ADGRL3: variants seen among roughly 807,000 people sequenced by gnomAD.
The protein encoded by ADGRL3 is adhesion G protein-coupled receptor L3.
Under a neutral mutation model 153.5 loss-of-function variants are expected in ADGRL3, and 62 were observed. The ratio of observed to expected loss-of-function variants is 0.40; its 90% confidence interval spans 0.33 to 0.50. The LOEUF (loss-of-function observed/expected upper bound fraction) is 0.50, where lower values mean the gene tolerates loss of function less well. Ranked by LOEUF, ADGRL3 falls within the 20% of genes least tolerant of loss-of-function variation. ADGRL3 has a pLI of 0.47. For synonymous variants in ADGRL3, 710 were observed against 672.5 expected (o/e 1.06, Z -0.86); for missense variants, 1,641 against 1,859.4 (o/e 0.88, Z 2.16).
rs796082452 is a variant in ADGRL3 at position 61,376,393 on chromosome 4, T to G, written c.-239-6731T>G. The stretch of plus-strand genomic sequence containing the variant: ...AAAACAGAGGATAAGTTAAATGCTG[T>G]TTTTTTTTTAATACTGATAATTTGA... On this transcript the variant is annotated intron_variant, in intron 1 of 26. Coordinates refer to ENST00000683033, the MANE Select transcript of ADGRL3 (RefSeq NM_001387552.1). Among the ~76,000 whole-genome samples the G allele has an allele frequency of 1.8e-4, 16 of 90,208 alleles. 1 individual carries two copies. Among genetic ancestry groups the G allele is most frequent in the African/African-American group, 5.1e-4 (16 of 31,252 alleles). The allele number at this position is 90,208 out of a possible 152,430, so 59.2% of individuals were successfully genotyped here.
intron 1 of ADGRL3, 60 bp downstream of exon 1, chr4:61,201,825 C>T: frequency 6.5e-6 from 1 of 153,210 alleles, no homozygotes; most frequent in Non-Finnish European, 1.5e-5. Context: ...CAGGCGGCGG[C>T]ATCCACCGGG....
intron 16 of ADGRL3, among the ~76,000 whole-genome samples, chr4:61,947,452 C>A (rs1322481358): frequency 6.6e-6 from 1 of 152,124 alleles, no homozygotes; most frequent in Non-Finnish European, 1.5e-5. Context: ...ATTTGGGATT[C>A]ATGTGAAATG....
intron 6 of ADGRL3, among the ~76,000 whole-genome samples, chr4:61,709,029 C>G (rs1045106782): frequency 1.3e-5 from 2 of 151,904 alleles, no homozygotes; most frequent in African/African-American, 2.4e-5. Context: ...AGGCTGGTCT[C>G]GACTCCTGAC....
At chr4:61,867,163 A>G (rs2098405300) in intron 9 of ADGRL3, among the ~76,000 whole-genome samples, 1 of 152,074 alleles carries the variant, frequency 6.6e-6, no homozygotes, top group South Asian at 2.1e-4. Context: ...TTACAATTAG[A>G]TTAAGCCAAA....
intron 5 of ADGRL3, among the ~76,000 whole-genome samples, chr4:61,662,429 G>A (rs1349239032): frequency 6.6e-6 from 1 of 152,234 alleles, no homozygotes; most frequent in Admixed American, 6.5e-5. Context: ...CCTGAGCGCT[G>A]TTGCAACCCA....
At chr4:61,301,049 C>G (rs983683583) in intron 1 of ADGRL3, among the ~76,000 whole-genome samples, 1 of 152,158 alleles carries the variant, frequency 6.6e-6, no homozygotes, top group Admixed American at 6.5e-5. Flanking sequence ...AGGCGTGAGC[C>G]ACTGCGCCAG....
intron 22 of ADGRL3, among the ~76,000 whole-genome samples, chr4:62,030,232 T>C (rs763291759): frequency 1.3e-5 from 2 of 151,694 alleles, no homozygotes; most frequent in Non-Finnish European, 3.0e-5. Context: ...TGAACTCAGC[T>C]TCAGATTATG....
intron 13 of ADGRL3, among the ~76,000 whole-genome samples, chr4:61,922,957 T>C (rs900581047): frequency 6.6e-5 from 10 of 152,214 alleles, no homozygotes; most frequent in Non-Finnish European, 1.5e-5. Context: ...GACCTTTTGA[T>C]TACTTCACTT....
intron 1 of ADGRL3, among the ~76,000 whole-genome samples, chr4:61,272,602 G>T (rs1269390127): frequency 6.6e-6 from 1 of 152,004 alleles, no homozygotes; most frequent in Non-Finnish European, 1.5e-5. Flanking sequence ...GGAATACACT[G>T]CTATGGCCTC....
chr4:61,788,130 A>G (rs1187250189), intron 8 of ADGRL3, among the ~76,000 whole-genome samples: 1 of 152,192 alleles, frequency 6.6e-6, no homozygotes, highest in Admixed American at 6.5e-5. Context: ...ACCTTGCCCT[A>G]AGAAAGGAGA....
chr4:61,921,571 C>T (rs180949847), intron 13 of ADGRL3, among the ~76,000 whole-genome samples: 28 of 152,238 alleles, frequency 1.8e-4, no homozygotes, highest in Non-Finnish European at 3.4e-4. Context: ...CCATGCCCAG[C>T]TAATTTTTGT....
At chr4:61,510,819 G>A (rs1331607198) in intron 3 of ADGRL3, among the ~76,000 whole-genome samples, 1 of 152,084 alleles carries the variant, frequency 6.6e-6, no homozygotes, top group African/African-American at 2.4e-5. Context: ...AGTTTGGTAG[G>A]AATAGCATTC....
chr4:61,875,227 C>T lies in ADGRL3; in HGVS notation c.1481-17429C>T, dbSNP rs917731649. Reference sequence around the variant, plus strand: ...TCATTTTCTTTCTCTATGTAAAAGACTTTCCACATTATTTGGGGTTGGAGG... The same window carrying T: ...TCATTTTCTTTCTCTATGTAAAAGATTTTCCACATTATTTGGGGTTGGAGG... On this transcript the variant is annotated intron_variant, in intron 9 of 26. Transcript: ENST00000683033. Among the ~76,000 whole-genome samples the T allele has an allele frequency of 2.0e-5, 3 of 152,174 alleles. No individual in the cohort carries two copies. The East Asian group carries it at 5.8e-4, about 29-fold the overall frequency.
Position 61,733,349 on chromosome 4 carries a change from T to A in ADGRL3, c.1194T>A (p.Asp398Glu). 1 of 1,613,702 alleles carries A rather than the reference T, an allele frequency of 6.2e-7. No individual in the cohort carries two copies. Among genetic ancestry groups the A allele is most frequent in the Non-Finnish European group, 8.5e-7 (1 of 1,179,812 alleles). Residue 398 changes from aspartate to glutamate, a missense_variant, in exon 8 of 27, where the codon GAT (aspartate) becomes GAA (glutamate). Physicochemically the swap from Asp to Glu is conservative, Grantham distance 45. Coordinates refer to ENST00000683033, the MANE Select transcript of ADGRL3 (RefSeq NM_001387552.1). ...LYVVKSVYEDDDNEATGNKID... is the reference protein window; with the variant it reads ...LYVVKSVYEDEDNEATGNKID... ...TGGTCAAATCTGTATATGAGGATGA[T>A]GACAATGAGGCTACTGGAAATAAGA...
At chr4:61,245,461 C>T (rs989527833) in intron 1 of ADGRL3, among the ~76,000 whole-genome samples, 2 of 152,084 alleles carry the variant, frequency 1.3e-5, no homozygotes, top group Non-Finnish European at 2.9e-5. Flanking sequence ...TCCTGTCCAT[C>T]GTCCTCATGT....
rs750840093 is a variant in ADGRL3, at chr4:61,948,175, A to T, written c.2704A>T (p.Thr902Ser). ...SKRTMTGYWS[T>S]QGCRLLTTNK... Reference sequence around the variant, plus strand: ...GCGTACAATGACAGGTTATTGGTCAACACAAGGCTGTCGGCTCCTGACAAC... The same window carrying T: ...GCGTACAATGACAGGTTATTGGTCATCACAAGGCTGTCGGCTCCTGACAAC... The change falls in exon 17 of 27, where the codon ACA becomes TCA. Residue 902 changes from threonine (T) to serine (S), a missense_variant. By Grantham distance (58) the Thr-to-Ser change is moderately conservative. This residue lies in a region of ADGRL3 where 734 missense variants were observed against 797.0 expected (regional missense o/e 0.92). Transcript: ENST00000683033. The T allele has an allele frequency of 2.0e-5, 33 of 1,613,684 alleles. No homozygotes were observed. Among genetic ancestry groups the T allele is most frequent in the Non-Finnish European group, 2.6e-5 (31 of 1,179,842 alleles).
intron 1 of ADGRL3, among the ~76,000 whole-genome samples, chr4:61,243,804 C>T (rs996784718): frequency 6.6e-6 from 1 of 151,902 alleles, no homozygotes; most frequent in African/African-American, 2.4e-5. Context: ...GTGAATGAAA[C>T]CCAGGGTTGA....
At chr4:62,057,763 T>G (rs1737847560) in intron 25 of ADGRL3, among the ~76,000 whole-genome samples, 1 of 152,120 alleles carries the variant, frequency 6.6e-6, no homozygotes. Context: ...CTGCAACCTC[T>G]GCCTCCCAGG....
chr4:61,742,381 CTA>C (rs1461177143), intron 8 of ADGRL3, among the ~76,000 whole-genome samples: 1 of 152,102 alleles, frequency 6.6e-6, no homozygotes, highest in East Asian at 1.9e-4. Context: ...CGGGTTCACA[CTA>C]TTCTCCTGCC....
Sources: gnomAD v4.1 joint callset for allele counts (sites outside exome capture counted in the v4.1 genomes callset) on GRCh38, gnomAD v4.1.1 for gene constraint, gnomAD v4.1.1 regional missense constraint, MANE v1.5 for transcripts, NCBI Gene and HGNC (gene_info 2026-07-23, HGNC 2026-07-21) for gene names.